Variants in PEX13 observed in about 807,000 individuals in gnomAD.
The protein encoded by PEX13 is peroxisomal biogenesis factor 13.
Under a neutral mutation model 34.5 loss-of-function variants are expected in PEX13, and 28 were observed. That is an observed-to-expected ratio of 0.81 (90% confidence interval 0.60 to 1.11). The LOEUF (loss-of-function observed/expected upper bound fraction) is 1.11, where lower values mean the gene tolerates loss of function less well. PEX13 is among the 50% of genes most tolerant of loss of function. The pLI is 0.00. For missense variants in PEX13, 550 were observed against 491.0 expected (o/e 1.12, Z -1.13); for synonymous variants, 177 against 175.1 (o/e 1.01, Z -0.09).
chr2:61,044,781 G>A (rs1470061941), intron 2 of PEX13, among the ~76,000 whole-genome samples: 1 of 152,156 alleles, frequency 6.6e-6, no homozygotes, highest in Non-Finnish European at 1.5e-5. Context: ...ACCTAATACA[G>A]TTTGACTCAC....
chr2:61,021,892 C>T, intron 1 of PEX13, among the ~76,000 whole-genome samples: 1 of 152,310 alleles, frequency 6.6e-6, no homozygotes, highest in South Asian at 2.1e-4. Context: ...ACAGGGTCTG[C>T]AGTGGACCTC....
At chr2:61,019,561 A>G (rs1680208386) in intron 1 of PEX13, among the ~76,000 whole-genome samples, 1 of 152,126 alleles carries the variant, frequency 6.6e-6, no homozygotes, top group Admixed American at 6.5e-5. Flanking sequence ...TTTGCATTTA[A>G]TCCACATGGA....
chr2:61,027,356 A>C (rs1469393645), intron 1 of PEX13, among the ~76,000 whole-genome samples: 2 of 150,202 alleles, frequency 1.3e-5, no homozygotes, highest in East Asian at 3.9e-4. Flanking sequence ...AAAAAAACAA[A>C]ACACACACAC....
chr2:61,039,246 T>TTC (rs1188607896), intron 2 of PEX13, among the ~76,000 whole-genome samples: 1 of 152,118 alleles, frequency 6.6e-6, no homozygotes, highest in Admixed American at 6.6e-5. Flanking sequence ...AAAAACTACT[T>TTC]TAAAGTTCAT....
At chr2:61,040,437 G>C (rs983530455) in intron 2 of PEX13, among the ~76,000 whole-genome samples, 1 of 152,024 alleles carries the variant, frequency 6.6e-6, no homozygotes, top group Non-Finnish European at 1.5e-5. Flanking sequence ...TCCTTTGCAG[G>C]GACGTGGATG....
At chr2:61,048,078 A>T (rs111840269) in intron 3 of PEX13, among the ~76,000 whole-genome samples, 1,690 of 152,312 alleles carry the variant, frequency 0.011, 30 homozygotes, top group African/African-American at 0.038. Context: ...CATTAAAGGT[A>T]TATCTTTTCT....
At chr2:61,028,897 G>T (rs557386627) in intron 1 of PEX13, among the ~76,000 whole-genome samples, 58 of 152,140 alleles carry the variant, frequency 3.8e-4, no homozygotes, top group African/African-American at 1.3e-3. Flanking sequence ...TGATAAAAAG[G>T]CTAAGCCAAG....
chr2:61,021,162 A>C (rs1208244664), intron 1 of PEX13, among the ~76,000 whole-genome samples: 2 of 152,076 alleles, frequency 1.3e-5, no homozygotes, highest in Non-Finnish European at 2.9e-5. Flanking sequence ...TCTCACTGGG[A>C]CTGGTTGAAC....
intron 1 of PEX13, chr2:61,018,125 G>GGCTTCCTAC (rs1349299340): frequency 1.3e-6 from 2 of 1,547,900 alleles, no homozygotes; most frequent in Admixed American, 3.9e-5. Flanking sequence ...AAAGGGGGGC[G>GGCTTCCTAC]GCTTCCTACC....
intron 1 of PEX13, among the ~76,000 whole-genome samples, chr2:61,024,766 G>A (rs1482279659): frequency 1.3e-5 from 2 of 152,098 alleles, no homozygotes; most frequent in Admixed American, 6.5e-5. Context: ...CCGAGATCAC[G>A]CCACTGCAGT....
At chr2:61,046,337 C>T (rs529379149) in intron 3 of PEX13, among the ~76,000 whole-genome samples, 24 of 152,212 alleles carry the variant, frequency 1.6e-4, no homozygotes, top group African/African-American at 3.6e-4. Flanking sequence ...GAGATTTATA[C>T]GCATCTCGGG....
intron 2 of PEX13, among the ~76,000 whole-genome samples, chr2:61,038,468 T>C (rs1335658450): frequency 6.6e-6 from 1 of 152,196 alleles, no homozygotes. Context: ...AATCAATAAA[T>C]GTAATCCATC....
At chr2:61,042,469 A>G (rs1449541106) in intron 2 of PEX13, among the ~76,000 whole-genome samples, 1 of 152,194 alleles carries the variant, frequency 6.6e-6, no homozygotes, top group African/African-American at 2.4e-5. Context: ...AAGGCACAGT[A>G]TAGTATGAAT....
chr2:61,022,162 C>T (rs1680274848), intron 1 of PEX13, among the ~76,000 whole-genome samples: 1 of 152,206 alleles, frequency 6.6e-6, no homozygotes. Flanking sequence ...CGGAACAAAG[C>T]TGGACAGAGA....
intron 1 of PEX13, chr2:61,018,237 G>T: frequency 6.4e-7 from 1 of 1,551,082 alleles, no homozygotes; most frequent in Non-Finnish European, 8.7e-7. Context: ...CCACGGCATC[G>T]ACAGGGAGCA....
chr2:61,045,901 A>T, intron 3 of PEX13, 50 bp downstream of exon 3: 1 of 1,431,148 alleles, frequency 7.0e-7, no homozygotes, highest in Admixed American at 1.7e-5. Context: ...TGATATTCAT[A>T]AATGCAGTAT....
At chr2:61,030,781 A>G (rs1204077664) in intron 1 of PEX13, among the ~76,000 whole-genome samples, 2 of 152,232 alleles carry the variant, frequency 1.3e-5, no homozygotes, top group Non-Finnish European at 2.9e-5. Flanking sequence ...TTAAATAACA[A>G]GAATTAACTA....
rs936098967 is a variant in PEX13, at chr2:61,017,827, G to C, written c.68G>C (p.Gly23Ala). ...ETRRIPGAGP[G>A]PGPGPTFQSA... The stretch of plus-strand genomic sequence containing the variant: ...CGCCGAATTCCGGGAGCCGGACCGG[G>C]ACCAGGACCGGGCCCCACTTTCCAG... The change falls in exon 1 of 4, where the codon GGA becomes GCA. Residue 23 changes from glycine to alanine, a missense_variant. Coordinates refer to ENST00000295030, the MANE Select transcript of PEX13 (RefSeq NM_002618.4). The C allele has an allele frequency of 5.2e-6, 8 of 1,550,426 alleles. No homozygotes were observed. The Admixed American group carries it at 5.9e-5, about 11-fold the overall frequency.
intron 2 of PEX13, among the ~76,000 whole-genome samples, chr2:61,032,675 T>C (rs1052476446): frequency 1.3e-5 from 2 of 152,234 alleles, no homozygotes; most frequent in Non-Finnish European, 2.9e-5. Context: ...AAACCAGGAC[T>C]GGTTGAATGT....
Sources: allele counts gnomAD v4.1 joint callset (sites outside exome capture counted in the v4.1 genomes callset), GRCh38; gene constraint gnomAD v4.1.1; transcripts MANE v1.5; gene names NCBI Gene and HGNC (gene_info 2026-07-23, HGNC 2026-07-21).